KCNIP4: variants seen among roughly 807,000 people sequenced by gnomAD.
KCNIP4 encodes the protein Kv channel-interacting protein 4.
KCNIP4 carries 12 observed loss-of-function variants against 34.0 expected under a neutral mutation model. The observed-to-expected ratio is 0.35, with a 90% CI of 0.23 to 0.57. KCNIP4 has a LOEUF of 0.57. KCNIP4 is among the 20% of genes least tolerant of loss of function. KCNIP4 has a pLI of 0.83. For synonymous variants in KCNIP4, 124 were observed against 102.2 expected, an observed-to-expected ratio of 1.21 and a Z score of -1.29; for missense variants, 238 against 311.7, an observed-to-expected ratio of 0.76 and a Z score of 1.78.
intron 1 of KCNIP4, among the ~76,000 whole-genome samples, chr4:21,468,324 A>G (rs1434857108): frequency 6.6e-6 from 1 of 152,168 alleles, no homozygotes. Flanking sequence ...ATTAGCAGGG[A>G]GAAAAGAATC....
intron 1 of KCNIP4, among the ~76,000 whole-genome samples, chr4:21,683,265 C>T (rs1387196079): frequency 1.3e-5 from 2 of 151,992 alleles, no homozygotes; most frequent in East Asian, 3.9e-4. Flanking sequence ...AATAAAAACA[C>T]TTGTTACTGA....
At chr4:21,355,649 G>A (rs563264539) in intron 1 of KCNIP4, among the ~76,000 whole-genome samples, 18 of 152,258 alleles carry the variant, frequency 1.2e-4, no homozygotes, top group African/African-American at 4.1e-4. Context: ...CTGAAATTGA[G>A]GCAACAATTA....
At chr4:21,200,047 G>C (rs907105847) in intron 1 of KCNIP4, among the ~76,000 whole-genome samples, 1 of 152,018 alleles carries the variant, frequency 6.6e-6, no homozygotes, top group African/African-American at 2.4e-5. Context: ...GTTGTGGGGT[G>C]GGGGAAGCGG....
intron 1 of KCNIP4, among the ~76,000 whole-genome samples, chr4:20,890,675 A>G (rs930837226): frequency 3.9e-5 from 6 of 152,198 alleles, no homozygotes; most frequent in African/African-American, 1.4e-4. Context: ...GTCAAACCAA[A>G]CTACTAGTAT....
intron 1 of KCNIP4, chr4:21,852,167 A>G: frequency 6.6e-6 from 1 of 151,840 alleles, no homozygotes; most frequent in Non-Finnish European, 1.5e-5. Context: ...GGGACCTCCA[A>G]GGAAGCTCTC....
intron 1 of KCNIP4, among the ~76,000 whole-genome samples, chr4:21,923,060 T>C (rs1729021845): frequency 1.3e-5 from 2 of 152,114 alleles, no homozygotes; most frequent in African/African-American, 4.8e-5. Context: ...AAATAGATGC[T>C]CTCTCAATTT....
At chr4:21,859,471 C>T (rs900153781) in intron 1 of KCNIP4, among the ~76,000 whole-genome samples, 10 of 151,248 alleles carry the variant, frequency 6.6e-5, no homozygotes, top group Non-Finnish European at 1.2e-4. Flanking sequence ...AAAAATTAGC[C>T]GGAAAAATTA....
chr4:21,789,528 T>C (rs896734937), intron 1 of KCNIP4, among the ~76,000 whole-genome samples: 7 of 152,160 alleles, frequency 4.6e-5, no homozygotes, highest in Non-Finnish European at 8.8e-5. Flanking sequence ...CTTTTAAAAA[T>C]CTAAATTTCT....
At chr4:21,226,059 G>A (rs952620670) in intron 1 of KCNIP4, among the ~76,000 whole-genome samples, 50 of 151,660 alleles carry the variant, frequency 3.3e-4, no homozygotes, top group Admixed American at 2.9e-3. Context: ...TTCTTCATTC[G>A]AACTCTATAA....
At chr4:21,592,299 C>G (rs1742281145) in intron 1 of KCNIP4, among the ~76,000 whole-genome samples, 1 of 152,076 alleles carries the variant, frequency 6.6e-6, no homozygotes, top group Admixed American at 6.6e-5. Context: ...AACTATGGAT[C>G]ATGGATGTCT....
At chr4:21,654,911 G>A (rs1248132606) in intron 1 of KCNIP4, among the ~76,000 whole-genome samples, 10 of 151,654 alleles carry the variant, frequency 6.6e-5, no homozygotes, top group Admixed American at 5.3e-4. Flanking sequence ...GTGACAGAGC[G>A]AGACTCTGTC....
chr4:21,077,515 C>T lies in KCNIP4; in HGVS notation c.62-194806G>A, dbSNP rs141957053. Among the ~76,000 whole-genome samples, 385 of 151,866 alleles carry T rather than the reference C, an allele frequency of 2.5e-3. 3 individuals are homozygous for T. The highest frequency in any genetic ancestry group is 8.6e-3 in the African/African-American group (353 of 41,282). On this transcript the variant is annotated intron_variant, in intron 1 of 8. Transcript: ENST00000382152. ...TACCTGCTAGTATTTAGATAAGCAC[C>T]TCAAAACCAATATTCACGTTTCATA...
chr4:21,219,533 C>T (rs114980980), intron 1 of KCNIP4, among the ~76,000 whole-genome samples: 4,264 of 152,254 alleles, frequency 0.028, 70 homozygotes, highest in Middle Eastern at 0.044. Flanking sequence ...GTCAAATAGC[C>T]TTCACCATTC....
At chr4:21,319,137 C>T (rs1183397404) in intron 1 of KCNIP4, among the ~76,000 whole-genome samples, 1 of 152,156 alleles carries the variant, frequency 6.6e-6, no homozygotes, top group Non-Finnish European at 1.5e-5. Flanking sequence ...CCTGCTCTAT[C>T]CACAGGCAAA....
chr4:21,721,319 A>G (rs1301472093), intron 1 of KCNIP4, among the ~76,000 whole-genome samples: 1 of 152,174 alleles, frequency 6.6e-6, no homozygotes, highest in Non-Finnish European at 1.5e-5. Context: ...TTCTGCATTC[A>G]GGGGATCTAC....
chr4:21,047,581 C>A (rs966618597), intron 1 of KCNIP4, among the ~76,000 whole-genome samples: 1 of 152,130 alleles, frequency 6.6e-6, no homozygotes, highest in African/African-American at 2.4e-5. Context: ...TTTTCTCTGA[C>A]TCCAAACGTA....
chr4:21,910,730 A>G (rs1393209667), intron 1 of KCNIP4, among the ~76,000 whole-genome samples: 1 of 152,178 alleles, frequency 6.6e-6, no homozygotes, highest in Non-Finnish European at 1.5e-5. Flanking sequence ...ATGAAATTTG[A>G]TTATTCGGCC....
chr4:21,884,136 A>C (rs1726621779), intron 1 of KCNIP4, among the ~76,000 whole-genome samples: 1 of 152,122 alleles, frequency 6.6e-6, no homozygotes, highest in African/African-American at 2.4e-5. Context: ...AGGAAGATAT[A>C]TTTTAGGATG....
intron 1 of KCNIP4, among the ~76,000 whole-genome samples, chr4:21,031,346 C>A (rs529281249): frequency 6.6e-6 from 1 of 152,142 alleles, no homozygotes; most frequent in Non-Finnish European, 1.5e-5. Context: ...TATTTTTGTA[C>A]CCATTTTTGT....
Sources: allele counts gnomAD v4.1 joint callset (sites outside exome capture counted in the v4.1 genomes callset), GRCh38; gene constraint gnomAD v4.1.1; transcripts MANE v1.5; gene names NCBI Gene and HGNC (gene_info 2026-07-23, HGNC 2026-07-21).